MYO16: variants seen among roughly 807,000 people sequenced by gnomAD.
MYO16 encodes the protein myosin XVI.
MYO16 carries 94 observed loss-of-function variants against 205.3 expected under a neutral mutation model. The ratio of observed to expected loss-of-function variants is 0.46; its 90% CI spans 0.39 to 0.54. MYO16 has a LOEUF of 0.54. Ranked by LOEUF, MYO16 falls within the 20% of genes least tolerant of loss-of-function variation. MYO16 has a pLI of 0.00. For synonymous variants in MYO16, 988 were observed against 954.0 expected (o/e 1.04, Z -0.66); for missense variants, 2,315 against 2,387.5 (o/e 0.97, Z 0.63).
At chr13:108,659,262 A>G (rs906362736) in intron 1 of MYO16, 23 of 173,612 alleles carry the variant, frequency 1.3e-4, no homozygotes, top group African/African-American at 5.4e-4. Flanking sequence ...TATGATATAT[A>G]TATATCATAT....
Position 108,673,509 on chromosome 13 carries a change from A to G in MYO16, c.292+7360A>G, listed in dbSNP as rs921482718. ...AATATCATACTTTATTTATATCTCC[A>G]TTTTATCACAAAATTCTAAGTAATC... is the stretch of plus-strand genomic sequence containing the variant. On this transcript the variant is annotated intron_variant, in intron 2 of 34. Coordinates refer to ENST00000457511, the MANE Select transcript of MYO16 (RefSeq NM_001198950.3). Among the ~76,000 whole-genome samples, 4 of 152,008 alleles carry G rather than the reference A, an allele frequency of 2.6e-5. No individual in the cohort carries two copies. In the East Asian group the frequency reaches 7.7e-4, roughly 29 times the overall value.
intron 22 of MYO16, among the ~76,000 whole-genome samples, chr13:109,017,258 A>G (rs1410869654): frequency 6.6e-6 from 1 of 152,196 alleles, no homozygotes; most frequent in Non-Finnish European, 1.5e-5. Flanking sequence ...TTCTGGGTTG[A>G]AAATTCTTTT....
At chr13:108,707,929 C>T (rs969178605) in intron 2 of MYO16, among the ~76,000 whole-genome samples, 5 of 152,044 alleles carry the variant, frequency 3.3e-5, no homozygotes, top group Non-Finnish European at 7.4e-5. Context: ...AGAAATAGCT[C>T]CCAAAGGTGC....
At chr13:108,901,576 T>C (rs1461395698) in intron 15 of MYO16, among the ~76,000 whole-genome samples, 2 of 152,200 alleles carry the variant, frequency 1.3e-5, no homozygotes, top group Non-Finnish European at 2.9e-5. Flanking sequence ...AGGGTTTATT[T>C]TTCTCTTATG....
At chr13:108,759,063 TTA>T (rs1885512890) in intron 4 of MYO16, among the ~76,000 whole-genome samples, 1 of 152,206 alleles carries the variant, frequency 6.6e-6, no homozygotes, top group Non-Finnish European at 1.5e-5. Flanking sequence ...TTTCAGTAAT[TTA>T]TGTTAGAAAG....
chr13:108,579,799 T>C, the MYO16 span, among the ~76,000 whole-genome samples: 1 of 152,138 alleles, frequency 6.6e-6, no homozygotes, highest in African/African-American at 2.4e-5. Flanking sequence ...CAAATTAAGA[T>C]AATTCTGTAG....
the MYO16 span, among the ~76,000 whole-genome samples, chr13:108,504,784 C>T: frequency 9.9e-4 from 150 of 152,186 alleles, no homozygotes; most frequent in South Asian, 3.3e-3. Flanking sequence ...ATCCACCCAC[C>T]TCGGCCTCCC....
At chr13:108,807,282 T>C (rs879710967) in intron 7 of MYO16, among the ~76,000 whole-genome samples, 3 of 152,168 alleles carry the variant, frequency 2.0e-5, no homozygotes, top group African/African-American at 4.8e-5. Context: ...GTTAGATCTT[T>C]AAGAGACTAA....
At chr13:108,982,911 C>T (rs748490582) in intron 20 of MYO16, among the ~76,000 whole-genome samples, 2 of 152,078 alleles carry the variant, frequency 1.3e-5, no homozygotes, top group East Asian at 3.9e-4. Flanking sequence ...CCAATCCATA[C>T]ATTATAGCAC....
chr13:108,784,984 A>C (rs1159300636), intron 4 of MYO16, among the ~76,000 whole-genome samples: 2 of 152,182 alleles, frequency 1.3e-5, no homozygotes. Context: ...GAGTGCCCAG[A>C]GGTGCTGGGC....
chr13:108,826,202 T>C (rs1463364546), intron 9 of MYO16, among the ~76,000 whole-genome samples: 1 of 152,088 alleles, frequency 6.6e-6, no homozygotes, highest in Non-Finnish European at 1.5e-5. Context: ...AACTAAGACA[T>C]TGTGATACTG....
chr13:109,042,369 C>T (rs1415599015), intron 23 of MYO16, among the ~76,000 whole-genome samples: 1 of 152,136 alleles, frequency 6.6e-6, no homozygotes, highest in Admixed American at 6.5e-5. Context: ...ATTGGTTGAT[C>T]CAGTACTCAA....
intron 27 of MYO16, among the ~76,000 whole-genome samples, chr13:109,066,244 C>CT (rs1887745065): frequency 6.6e-6 from 1 of 152,158 alleles, no homozygotes; most frequent in Non-Finnish European, 1.5e-5. Flanking sequence ...AAAAGTCTGC[C>CT]TTGTTACATG....
At chr13:109,182,775 T>A (rs781045321) in intron 34 of MYO16, among the ~76,000 whole-genome samples, 26 of 152,192 alleles carry the variant, frequency 1.7e-4, no homozygotes, top group Admixed American at 9.2e-4. Context: ...GTAAAAAAAA[T>A]ATAGAAAATA....
At chr13:108,590,671 G>A in the MYO16 span, among the ~76,000 whole-genome samples, 9 of 152,252 alleles carry the variant, frequency 5.9e-5, no homozygotes, top group African/African-American at 1.9e-4. Flanking sequence ...AACACCATGC[G>A]AAGACACAAG....
chr13:108,760,079 T>C (rs1426212523), intron 4 of MYO16, among the ~76,000 whole-genome samples: 1 of 152,226 alleles, frequency 6.6e-6, no homozygotes, highest in Non-Finnish European at 1.5e-5. Flanking sequence ...GAAATTCTTC[T>C]TTTCTAGCTA....
intron 23 of MYO16, among the ~76,000 whole-genome samples, chr13:109,032,098 G>A (rs1886563042): frequency 1.3e-5 from 2 of 152,112 alleles, no homozygotes; most frequent in African/African-American, 2.4e-5. Context: ...TAGGGGGACC[G>A]ACTTTCCCAG....
intron 32 of MYO16, among the ~76,000 whole-genome samples, chr13:109,157,920 C>T (rs192852997): frequency 6.6e-6 from 1 of 152,256 alleles, no homozygotes; most frequent in East Asian, 1.9e-4. Flanking sequence ...GCTCCATAAC[C>T]CCTCTAAAAT....
chr13:108,704,185 A>G (rs1271361944), intron 2 of MYO16, among the ~76,000 whole-genome samples: 1 of 152,210 alleles, frequency 6.6e-6, no homozygotes, highest in Admixed American at 6.5e-5. Context: ...TGATAGCCCT[A>G]GCAAACTACT....
Sources: gnomAD v4.1 joint callset for allele counts (sites outside exome capture counted in the v4.1 genomes callset) on GRCh38, gnomAD v4.1.1 for gene constraint, MANE v1.5 for transcripts, NCBI Gene and HGNC (gene_info 2026-07-23, HGNC 2026-07-21) for gene names.